ELF1: variants seen among roughly 807,000 people sequenced by gnomAD.
ELF1 encodes E74 like ETS transcription factor 1.
ELF1 carries 24 observed loss-of-function variants against 59.9 expected under a neutral mutation model. The ratio of observed to expected loss-of-function variants is 0.40; its 90% CI spans 0.29 to 0.56. The LOEUF (loss-of-function observed/expected upper bound fraction) is 0.56. ELF1 is among the 20% of genes least tolerant of loss of function. ELF1 has a pLI of 0.44. For synonymous variants in ELF1, 248 were observed against 266.2 expected, an observed-to-expected ratio of 0.93 and a Z score of 0.67; for missense variants, 627 against 742.2, an observed-to-expected ratio of 0.84 and a Z score of 1.80.
At chr13:41,013,301 A>T (rs536072212) in intron 1 of ELF1, among the ~76,000 whole-genome samples, 1 of 152,314 alleles carries the variant, frequency 6.6e-6, no homozygotes, top group South Asian at 2.1e-4. Flanking sequence ...TTCTACATTT[A>T]TGTCCCGGGG....
At chr13:40,973,903 A>C (rs540766633) in intron 2 of ELF1, among the ~76,000 whole-genome samples, 25 of 152,212 alleles carry the variant, frequency 1.6e-4, no homozygotes, top group Admixed American at 3.3e-4. Flanking sequence ...AAGTAAAAGA[A>C]GCCAGTCGCA....
chr13:41,021,952 T>C (rs559516192), upstream of ELF1, among the ~76,000 whole-genome samples: 12 of 152,312 alleles, frequency 7.9e-5, no homozygotes, highest in East Asian at 3.9e-4. Flanking sequence ...AACTCTCATA[T>C]ATTGCTGGTG....
intron 1 of ELF1, chr13:40,993,279 C>A (rs753337112): frequency 2.5e-6 from 4 of 1,575,230 alleles, no homozygotes; most frequent in Middle Eastern, 2.3e-4. Flanking sequence ...GGTTTCCAGG[C>A]GCTTGAGACA....
At chr13:40,954,432 C>CCT (rs1472662120) in intron 3 of ELF1, among the ~76,000 whole-genome samples, 8 of 149,560 alleles carry the variant, frequency 5.3e-5, no homozygotes, top group Admixed American at 2.0e-4. Context: ...TCTCCCTCTC[C>CCT]CCACGGTCTC....
chr13:41,017,171 A>T (rs952629825), intron 1 of ELF1, among the ~76,000 whole-genome samples: 1 of 151,644 alleles, frequency 6.6e-6, no homozygotes, highest in African/African-American at 2.4e-5. Context: ...GAAAAAGAAA[A>T]CTACATTTTC....
chr13:41,042,926 T>G (rs1876681654), intron 1 of ELF1, among the ~76,000 whole-genome samples: 1 of 152,308 alleles, frequency 6.6e-6, no homozygotes, highest in South Asian at 2.1e-4. Flanking sequence ...CCACCAACAG[T>G]GTAAAAGTGT....
At chr13:41,044,060 T>C (rs1263762154) in intron 1 of ELF1, among the ~76,000 whole-genome samples, 1 of 152,218 alleles carries the variant, frequency 6.6e-6, no homozygotes, top group African/African-American at 2.4e-5. Flanking sequence ...TTGAAGCAAT[T>C]GTGAATGGGA....
At chr13:41,051,930 T>C (rs978643776) in intron 1 of ELF1, among the ~76,000 whole-genome samples, 2 of 150,490 alleles carry the variant, frequency 1.3e-5, no homozygotes, top group Non-Finnish European at 2.9e-5. Context: ...TTCTTTCTTT[T>C]TCTCTTTTTT....
intron 1 of ELF1, among the ~76,000 whole-genome samples, chr13:40,988,738 AC>A (rs1227654077): frequency 2.0e-5 from 3 of 152,252 alleles, no homozygotes; most frequent in Admixed American, 6.5e-5. Flanking sequence ...TTAGAAGGCT[AC>A]CACAATTTAG....
chr13:41,008,261 A>G (rs1043540528), intron 1 of ELF1, among the ~76,000 whole-genome samples: 2 of 152,216 alleles, frequency 1.3e-5, no homozygotes, highest in African/African-American at 4.8e-5. Flanking sequence ...CATGAAATGT[A>G]ATTTTTACTT....
intron 5 of ELF1, among the ~76,000 whole-genome samples, chr13:40,945,786 T>C (rs1245075386): frequency 6.6e-6 from 1 of 152,228 alleles, no homozygotes; most frequent in Admixed American, 6.5e-5. Flanking sequence ...GTTTACTAAT[T>C]CTTTCTTAAG....
intron 1 of ELF1, among the ~76,000 whole-genome samples, chr13:40,987,714 A>C (rs1166707114): frequency 6.6e-6 from 1 of 152,166 alleles, no homozygotes; most frequent in East Asian, 1.9e-4. Flanking sequence ...TGGTTGAATG[A>C]CTTCTCTAAT....
At chr13:40,977,388 T>C (rs1283440072) in intron 2 of ELF1, among the ~76,000 whole-genome samples, 11 of 151,656 alleles carry the variant, frequency 7.3e-5, no homozygotes, top group Non-Finnish European at 1.3e-4. Flanking sequence ...AACAACAGAG[T>C]TTTAAATTGT....
intron 1 of ELF1, among the ~76,000 whole-genome samples, chr13:41,007,416 CAT>C (rs1241318751): frequency 6.6e-6 from 1 of 152,104 alleles, no homozygotes; most frequent in Non-Finnish European, 1.5e-5. Flanking sequence ...GCACATTCCA[CAT>C]ATTATTATTA....
intron 1 of ELF1, among the ~76,000 whole-genome samples, chr13:41,010,637 A>G (rs944724781): frequency 1.3e-5 from 2 of 152,142 alleles, no homozygotes; most frequent in Non-Finnish European, 2.9e-5. Flanking sequence ...ATATATGCAT[A>G]TAATTTATGA....
At chr13:41,043,171 T>C in intron 1 of ELF1, among the ~76,000 whole-genome samples, 1 of 152,224 alleles carries the variant, frequency 6.6e-6, no homozygotes, top group Non-Finnish European at 1.5e-5. Flanking sequence ...TTCTTGTAAA[T>C]TTGTTTGAGT....
In ELF1 at chr13:40,932,526, G is replaced by A. The variant is rs1199616341; in HGVS notation, c.*899C>T. On this transcript the variant is annotated 3_prime_UTR_variant, in exon 9 of 9. Coordinates refer to ENST00000239882, the MANE Select transcript of ELF1 (RefSeq NM_172373.4). ...TACTAATGGACCGCAAAGCACAGTG[G>A]CCTAAAGAGTTAGTAAACAAATTAT... The A allele has an allele frequency of 6.6e-6, 1 of 152,124 alleles. No individual in the cohort carries two copies. 9.4% of individuals were successfully genotyped at this position (152,124 alleles called of 1,614,324 possible). A position where few individuals can be genotyped will look rare whatever the true frequency, so the allele number is the denominator to read the frequency against.
intron 2 of ELF1, among the ~76,000 whole-genome samples, chr13:40,962,279 CTATT>C (rs945852618): frequency 3.3e-5 from 5 of 151,954 alleles, no homozygotes; most frequent in Non-Finnish European, 5.9e-5. Context: ...AATTTTTAAA[CTATT>C]TAATAAGGAA....
Position 41,016,941 on chromosome 13 carries a change from A to T in ELF1, c.-229+2287T>A, listed in dbSNP as rs1219600707. ...AAAAAAAAAAAAAAAAAAAAAAAAA[A>T]AAAAAAATATATATATATATATATA... On this transcript the variant is annotated intron_variant, in intron 1 of 8. Coordinates refer to ENST00000239882, the MANE Select transcript of ELF1 (RefSeq NM_172373.4). Among the ~76,000 whole-genome samples the T allele has an allele frequency of 4.3e-3, 382 of 89,812 alleles. 16 individuals carry two copies. Among genetic ancestry groups the T allele is most frequent in the African/African-American group, 0.014 (314 of 22,320 alleles). 58.9% of individuals were successfully genotyped at this position (89,812 alleles called of 152,430 possible).
Sources: gnomAD v4.1 joint callset for allele counts (sites outside exome capture counted in the v4.1 genomes callset) on GRCh38, gnomAD v4.1.1 for gene constraint, MANE v1.5 for transcripts, NCBI Gene and HGNC (gene_info 2026-07-23, HGNC 2026-07-21) for gene names.